The following IDE variants were observed in gnomAD, a reference collection of about 807,000 sequenced individuals.
The protein encoded by IDE is insulin degrading enzyme.
In IDE, 58 loss-of-function variants were observed where a neutral mutation model predicts 133.2. The observed-to-expected ratio is 0.44, with a 90% CI of 0.35 to 0.54. IDE has a LOEUF of 0.54. IDE is among the 20% of genes least tolerant of loss of function. IDE has a pLI of 0.00. For missense variants in IDE, 981 were observed against 1,234.0 expected, an observed-to-expected ratio of 0.79 and a Z score of 3.07; for synonymous variants, 396 against 421.3, an observed-to-expected ratio of 0.94 and a Z score of 0.73.
Position 92,508,120 on chromosome 10 carries a change from T to G in IDE, c.1146A>C (p.Glu382Asp). 1 of 1,608,872 alleles carries G rather than the reference T, an allele frequency of 6.2e-7. No individual in the cohort carries two copies. Among genetic ancestry groups the G allele is most frequent in the Non-Finnish European group, 8.5e-7 (1 of 1,176,276 alleles). ...AGGTGAATCAATACTTACATAATCCTTCCTCGGTCAAGTCCACATTAATGA... is the reference window on the plus strand; with the variant it reads ...AGGTGAATCAATACTTACATAATCCGTCCTCGGTCAAGTCCACATTAATGA... ...FFIINVDLTE[E>D]GLLHVEDIIL... The change falls in exon 8 of 25, where the codon GAA (glutamate) becomes GAC (aspartate). Residue 382 changes from glutamate (E) to aspartate (D), a missense_variant. Around this residue, in one of 2 missense-constraint regions of IDE, gnomAD observed 660 missense variants for 894.7 expected, o/e 0.74. Coordinates refer to ENST00000265986, the MANE Select transcript of IDE (RefSeq NM_004969.4).
chr10:92,470,459 CTTCACCTAGTT>C, intron 17 of IDE, 114 bp from the exon 18 acceptor site: 1 of 511,014 alleles, frequency 2.0e-6, no homozygotes, highest in Non-Finnish European at 3.5e-6. Context: ...CCTGTAAACA[CTTCACCTAGTT>C]TTCCCTAATG....
rs1056646567 is a variant in IDE, at chr10:92,453,628, C to T, written c.*816G>A. On this transcript the variant is annotated 3_prime_UTR_variant, in exon 25 of 25. Coordinates refer to ENST00000265986, the MANE Select transcript of IDE (RefSeq NM_004969.4). ...CACTCAGTAGGATCTGAAGTTGACCCTATTTGTACGTGTTAAATAAATATG... is the reference window on the plus strand; with the variant it reads ...CACTCAGTAGGATCTGAAGTTGACCTTATTTGTACGTGTTAAATAAATATG... 6.6e-6 allele frequency: 1 copy of T among 152,184 alleles called. No individual in the cohort carries two copies. Among genetic ancestry groups the T allele is most frequent in the East Asian group, 1.9e-4 (1 of 5,182 alleles). 9.4% of individuals were successfully genotyped at this position (152,184 alleles called of 1,614,324 possible). A position where few individuals can be genotyped will look rare whatever the true frequency, so the allele number is the denominator to read the frequency against.
intron 22 of IDE, 133 bp downstream of exon 22, chr10:92,461,058 C>CT (rs766932477): frequency 9.3e-6 from 5 of 535,592 alleles, no homozygotes; most frequent in East Asian, 3.3e-5. Context: ...CCAGGCTGGT[C>CT]TTTAACTCCT....
intron 4 of IDE, among the ~76,000 whole-genome samples, chr10:92,516,784 T>G (rs1848951861): frequency 6.6e-6 from 1 of 152,232 alleles, no homozygotes. Context: ...AAGGATGCAA[T>G]GCTATTTTTA....
chr10:92,453,848 AT>A lies in IDE; in HGVS notation c.*595del, dbSNP rs922416058. ...TTGTAAATAAGTAGGGTTTTCTAGC[AT>A]TTTACGAGTTGGCATAAAAAACATG... On this transcript the variant is annotated 3_prime_UTR_variant, in exon 25 of 25. Transcript: ENST00000265986. 11 of 152,222 alleles carry A rather than the reference AT, an allele frequency of 7.2e-5. No individual in the cohort carries two copies. The highest frequency in any genetic ancestry group is 2.7e-4 in the African/African-American group (11 of 41,464). 9.4% of individuals were successfully genotyped at this position (152,222 alleles called of 1,614,324 possible). A position where few individuals can be genotyped will look rare whatever the true frequency, so the allele number is the denominator to read the frequency against.
chr10:92,465,866 C>CT (rs1469373869), intron 19 of IDE, 23 bp from the exon 20 acceptor site: 1 of 1,611,622 alleles, frequency 6.2e-7, no homozygotes, highest in Non-Finnish European at 8.5e-7. Context: ...AAAAAGACAG[C>CT]AGCAAGTTCA....
chr10:92,519,667 G>C (rs116570236), intron 4 of IDE, among the ~76,000 whole-genome samples: 6 of 152,312 alleles, frequency 3.9e-5, no homozygotes, highest in African/African-American at 1.2e-4. Flanking sequence ...CTAAAAGCAA[G>C]GAAAGGCTCA....
At chr10:92,498,662 C>T (rs1373958275) in intron 11 of IDE, among the ~76,000 whole-genome samples, 1 of 152,198 alleles carries the variant, frequency 6.6e-6, no homozygotes, top group East Asian at 1.9e-4. Context: ...GAGGCTGAGG[C>T]AGGAGAATTG....
Position 92,479,458 on chromosome 10 carries a change from A to G in IDE, c.1740-37T>C, listed in dbSNP as rs370729018. The G allele has an allele frequency of 1.4e-5, 22 of 1,544,448 alleles. No individual in the cohort carries two copies. In the Middle Eastern group the frequency reaches 6.9e-4, roughly 48 times the overall value. ...TGTTGACAGTAAAATAGCTGATTTTATTACTTCTCAATGTGATATGGCCTT... is the reference window on the plus strand; with the variant it reads ...TGTTGACAGTAAAATAGCTGATTTTGTTACTTCTCAATGTGATATGGCCTT... On this transcript the variant is annotated intron_variant, in intron 14 of 24. Transcript: ENST00000265986.
rs79854484 is a variant in IDE, at chr10:92,566,751, A to T, written c.98+7171T>A. On this transcript the variant is annotated intron_variant, in intron 1 of 24. Coordinates refer to ENST00000265986, the MANE Select transcript of IDE (RefSeq NM_004969.4). Reference sequence around the variant, plus strand: ...CATTTCAAAATAACTAAAAGAGTTTAATTGGATTGTTTGTAACAAAGAATA... The same window carrying T: ...CATTTCAAAATAACTAAAAGAGTTTTATTGGATTGTTTGTAACAAAGAATA... Among the ~76,000 whole-genome samples the T allele has an allele frequency of 1.2e-4, 18 of 152,296 alleles. No individual in the cohort carries two copies. In the East Asian group the frequency reaches 3.5e-3, roughly 29 times the overall value.
At chr10:92,555,237 G>A (rs907534184) in intron 1 of IDE, among the ~76,000 whole-genome samples, 1 of 152,070 alleles carries the variant, frequency 6.6e-6, no homozygotes, top group African/African-American at 2.4e-5. Context: ...AGTGGCTCAC[G>A]CCTGTAATCC....
At chr10:92,497,170 A>T (rs1306896545) in intron 11 of IDE, among the ~76,000 whole-genome samples, 2 of 152,248 alleles carry the variant, frequency 1.3e-5, no homozygotes, top group Non-Finnish European at 2.9e-5. Flanking sequence ...GCACATGACA[A>T]AGACTCTATA....
intron 22 of IDE, among the ~76,000 whole-genome samples, chr10:92,460,066 T>C (rs986910251): frequency 2.0e-5 from 3 of 152,060 alleles, no homozygotes; most frequent in East Asian, 3.9e-4. Context: ...CTTGAACTCC[T>C]GACCTCGTGA....
chr10:92,499,719 C>T (rs72809187), intron 11 of IDE, among the ~76,000 whole-genome samples: 3 of 152,332 alleles, frequency 2.0e-5, no homozygotes, highest in Non-Finnish European at 2.9e-5. Flanking sequence ...GTGTGAACCA[C>T]TGTGCACGGT....
intron 17 of IDE, among the ~76,000 whole-genome samples, chr10:92,472,639 ATTC>A (rs993684548): frequency 4.7e-5 from 7 of 148,190 alleles, no homozygotes; most frequent in African/African-American, 1.5e-4. Context: ...ATTCAACAGA[ATTC>A]TTTTTTTTTT....
intron 11 of IDE, among the ~76,000 whole-genome samples, chr10:92,499,675 T>TC (rs1847905220): frequency 6.6e-6 from 1 of 152,092 alleles, no homozygotes; most frequent in African/African-American, 2.4e-5. Context: ...CAAGCAATCC[T>TC]CCCTCTATGC....
chr10:92,537,575 G>T, intron 1 of IDE, 25 bp from the exon 2 acceptor site: 1 of 1,502,088 alleles, frequency 6.7e-7, no homozygotes, highest in African/African-American at 1.4e-5. Context: ...ATTTTTAATT[G>T]TTGATTTGTG....
intron 21 of IDE, among the ~76,000 whole-genome samples, chr10:92,462,764 T>C (rs1181212026): frequency 6.6e-6 from 1 of 152,198 alleles, no homozygotes; most frequent in Non-Finnish European, 1.5e-5. Context: ...CATCTGGAAA[T>C]TGGGGATAAT....
intron 1 of IDE, among the ~76,000 whole-genome samples, chr10:92,542,834 C>A (rs1005415475): frequency 3.3e-5 from 5 of 152,158 alleles, no homozygotes; most frequent in African/African-American, 9.7e-5. Context: ...TGGACTAAGA[C>A]ATGTAAAGGC....
Sources: allele counts gnomAD v4.1 joint callset (sites outside exome capture counted in the v4.1 genomes callset), GRCh38; gene constraint gnomAD v4.1.1; regional missense constraint gnomAD v4.1.1; transcripts MANE v1.5; gene names NCBI Gene and HGNC (gene_info 2026-07-23, HGNC 2026-07-21).